EEFSEC: variants seen among roughly 807,000 people sequenced by gnomAD.
The protein encoded by EEFSEC is selenocysteine-specific elongation factor.
In EEFSEC, 43 loss-of-function variants were observed where a neutral mutation model predicts 42.1. The ratio of observed to expected loss-of-function variants is 1.02; its 90% CI spans 0.80 to 1.32. The LOEUF (loss-of-function observed/expected upper bound fraction) is 1.32, where lower values mean the gene tolerates loss of function less well. Ranked by LOEUF, EEFSEC falls within the 40% of genes most tolerant of loss-of-function variation. The pLI, the probability that EEFSEC is intolerant of heterozygous loss-of-function variation, is 0.00. For synonymous variants in EEFSEC, 354 were observed against 339.1 expected (o/e 1.04, Z -0.48); for missense variants, 745 against 803.6 (o/e 0.93, Z 0.88).
intron 6 of EEFSEC, 39 bp downstream of exon 6, chr3:128,358,412 G>T (rs2067484847): frequency 1.9e-6 from 3 of 1,610,262 alleles, no homozygotes; most frequent in East Asian, 4.5e-5. Flanking sequence ...GGGACACCGT[G>T]CAGGGCACAG....
rs555430061 is a variant in EEFSEC, at chr3:128,300,762, A to G, written c.786+35981A>G. 1.4e-4 allele frequency among the ~76,000 whole-genome samples: 22 copies of G among 152,346 alleles called. 1 individual carries two copies. The South Asian group carries it at 4.4e-3, about 30-fold the overall frequency. ...ATAATCCTAATGCAATATGAAAAAT[A>G]AAACTTTCATACCTTTCAGTACCTT... On this transcript the variant is annotated intron_variant, in intron 4 of 6. Transcript: ENST00000254730.
intron 1 of EEFSEC, among the ~76,000 whole-genome samples, chr3:128,214,777 G>C (rs950692650): frequency 6.6e-6 from 1 of 152,170 alleles, no homozygotes; most frequent in Non-Finnish European, 1.5e-5. Flanking sequence ...TTTCCCGGAG[G>C]GAAACTGGAA....
At chr3:128,391,681 C>T (rs182953554) in intron 6 of EEFSEC, among the ~76,000 whole-genome samples, 10 of 152,326 alleles carry the variant, frequency 6.6e-5, no homozygotes, top group Non-Finnish European at 1.3e-4. Context: ...ATCAGGTGCT[C>T]TCTCATTCCT....
intron 4 of EEFSEC, among the ~76,000 whole-genome samples, chr3:128,283,041 C>T (rs564436980): frequency 6.6e-6 from 1 of 152,374 alleles, no homozygotes; most frequent in East Asian, 1.9e-4. Flanking sequence ...CAGTGGATTT[C>T]TTCTGAAAAC....
chr3:128,213,630 C>T (rs2065781267), intron 1 of EEFSEC, among the ~76,000 whole-genome samples: 1 of 151,870 alleles, frequency 6.6e-6, no homozygotes, highest in African/African-American at 2.4e-5. Flanking sequence ...CAGGACCCAG[C>T]AGGGTTGAGG....
At chr3:128,275,769 G>A (rs941727441) in intron 4 of EEFSEC, among the ~76,000 whole-genome samples, 18 of 152,236 alleles carry the variant, frequency 1.2e-4, no homozygotes, top group African/African-American at 4.3e-4. Flanking sequence ...GCATGACTGA[G>A]GTAAACATGG....
At chr3:128,318,804 G>A (rs999601991) in intron 4 of EEFSEC, among the ~76,000 whole-genome samples, 11 of 152,262 alleles carry the variant, frequency 7.2e-5, no homozygotes, top group African/African-American at 2.7e-4. Flanking sequence ...TGGCAGATGT[G>A]TAGACGAGCA....
At chr3:128,295,803 G>A (rs1207059505) in intron 4 of EEFSEC, among the ~76,000 whole-genome samples, 2 of 151,932 alleles carry the variant, frequency 1.3e-5, no homozygotes, top group African/African-American at 4.8e-5. Flanking sequence ...TCAGTGGGGT[G>A]GTGGGAACCC....
At chr3:128,185,617 A>G (rs1295853779) in intron 1 of EEFSEC, among the ~76,000 whole-genome samples, 1 of 152,098 alleles carries the variant, frequency 6.6e-6, no homozygotes, top group Non-Finnish European at 1.5e-5. Flanking sequence ...GCTGGAGTGC[A>G]GTGGTATGAT....
intron 1 of EEFSEC, among the ~76,000 whole-genome samples, chr3:128,216,315 GC>G (rs1440389657): frequency 6.6e-6 from 1 of 152,072 alleles, no homozygotes; most frequent in Non-Finnish European, 1.5e-5. Flanking sequence ...ATTTTCCACT[GC>G]GGGGTGGTTT....
Position 128,335,689 on chromosome 3 carries a change from AGGAAGAACAGGCTGTGG to A in EEFSEC, c.787-5530_787-5514del, listed in dbSNP as rs2067182430. The stretch of plus-strand genomic sequence containing the variant: ...ACATCATCTGTGTTTTCCCAAGAAC[AGGAAGAACAGGCTGTGG>A]GGAAGAACAGGCTCTTGGAAGAACA... On this transcript the variant is annotated intron_variant, in intron 4 of 6. Coordinates refer to ENST00000254730, the MANE Select transcript of EEFSEC (RefSeq NM_021937.5). 3.3e-5 allele frequency among the ~76,000 whole-genome samples: 5 copies of A among 152,312 alleles called. No homozygotes were observed. In the South Asian group the frequency reaches 8.3e-4, roughly 25 times the overall value.
At chr3:128,410,054 C>T (rs2068163173), downstream of EEFSEC, among the ~76,000 whole-genome samples, 1 of 152,122 alleles carries the variant, frequency 6.6e-6, no homozygotes, top group Admixed American at 6.5e-5. Context: ...GGGCTCACAG[C>T]CCCCAGCCTG....
At chr3:128,290,569 C>CTT (rs1266674662) in intron 4 of EEFSEC, among the ~76,000 whole-genome samples, 4 of 140,940 alleles carry the variant, frequency 2.8e-5, no homozygotes, top group Non-Finnish European at 1.5e-5. Flanking sequence ...TCCAAGTCAA[C>CTT]TTTTTTTTTT....
At chr3:128,387,426 G>A (rs2067854011) in intron 6 of EEFSEC, among the ~76,000 whole-genome samples, 1 of 152,222 alleles carries the variant, frequency 6.6e-6, no homozygotes, top group Non-Finnish European at 1.5e-5. Flanking sequence ...AAAGGTGCAT[G>A]AGTCCAGGCT....
chr3:128,255,875 G>T (rs1332662652), intron 2 of EEFSEC, among the ~76,000 whole-genome samples: 1 of 152,134 alleles, frequency 6.6e-6, no homozygotes, highest in African/African-American at 2.4e-5. Context: ...GTATCAGCAT[G>T]GGTTCCTGGA....
chr3:128,419,958 G>T, the EEFSEC span, among the ~76,000 whole-genome samples: 4 of 152,312 alleles, frequency 2.6e-5, no homozygotes, highest in South Asian at 6.2e-4. Context: ...GCAGCGGGAG[G>T]GGGGACAGCC....
intron 4 of EEFSEC, among the ~76,000 whole-genome samples, chr3:128,312,417 C>A (rs919754563): frequency 6.6e-6 from 1 of 152,226 alleles, no homozygotes; most frequent in Non-Finnish European, 1.5e-5. Context: ...TACTTCCATG[C>A]GCAGAGGATG....
At chr3:128,287,540 G>C (rs1462765555) in intron 4 of EEFSEC, among the ~76,000 whole-genome samples, 1 of 152,226 alleles carries the variant, frequency 6.6e-6, no homozygotes, top group Non-Finnish European at 1.5e-5. Context: ...TAGACAAAAG[G>C]AGGAAAGAAT....
At chr3:128,391,743 A>T (rs2107624741) in intron 6 of EEFSEC, among the ~76,000 whole-genome samples, 1 of 152,030 alleles carries the variant, frequency 6.6e-6, no homozygotes, top group Non-Finnish European at 1.5e-5. Context: ...TGGACTGTGG[A>T]CTCCACCAGC....
Sources: gnomAD v4.1 joint callset for allele counts (sites outside exome capture counted in the v4.1 genomes callset) on GRCh38, gnomAD v4.1.1 for gene constraint, MANE v1.5 for transcripts, NCBI Gene and HGNC (gene_info 2026-07-23, HGNC 2026-07-21) for gene names.